The following EPHB2 variants were observed in gnomAD, a reference collection of about 807,000 sequenced individuals.
EPHB2 encodes EPH receptor B2.
A neutral mutation model predicts 96.4 loss-of-function variants in EPHB2; 18 were observed. That is an observed-to-expected ratio of 0.19 (90% CI 0.13 to 0.28). The LOEUF is 0.28. EPHB2 is among the 10% of genes least tolerant of loss of function. The probability of loss-of-function intolerance (pLI) is 1.00; values close to 1 mark genes in which losing one functional copy is unlikely to be tolerated. For missense variants in EPHB2, 989 were observed against 1,355.4 expected (o/e 0.73, Z 4.25); for synonymous variants, 506 against 534.1 (o/e 0.95, Z 0.72).
At chr1:22,871,646 T>G (rs1638670528) in intron 5 of EPHB2, among the ~76,000 whole-genome samples, 1 of 152,224 alleles carries the variant, frequency 6.6e-6, no homozygotes, top group African/African-American at 2.4e-5. Context: ...AGTTCCCTAT[T>G]GCTGCCAGAA....
chr1:22,729,995 G>A (rs921385411), intron 1 of EPHB2, among the ~76,000 whole-genome samples: 31 of 152,252 alleles, frequency 2.0e-4, no homozygotes, highest in African/African-American at 7.5e-4. Flanking sequence ...GCAGAGTGCT[G>A]TGACATCCAT....
At chr1:22,837,179 T>C (rs934931210) in intron 3 of EPHB2, among the ~76,000 whole-genome samples, 1 of 152,216 alleles carries the variant, frequency 6.6e-6, no homozygotes, top group Admixed American at 6.5e-5. Flanking sequence ...CAGAGGGTCC[T>C]AATTATTTCA....
At position 22,854,520 on chromosome 1, in the gene EPHB2, GA is replaced by G. The variant is rs541709343; in HGVS notation, c.812-8509del. ...GAGTGAGAACCTGTCTCAAAAGAAA[GA>G]AAAAAAATTAAGAACATGGACTGTG... On this transcript the variant is annotated intron_variant, in intron 3 of 15. Coordinates refer to ENST00000374630, the MANE Select transcript of EPHB2 (RefSeq NM_017449.5). Among the ~76,000 whole-genome samples the G allele has an allele frequency of 2.4e-4, 37 of 152,048 alleles. 1 individual carries two copies. Among genetic ancestry groups the G allele is most frequent in the Admixed American group, 2.3e-3 (35 of 15,252 alleles).
chr1:22,863,066 C>A lies in EPHB2; in HGVS notation c.841C>A (p.Gln281Lys), dbSNP rs772406361. 1.2e-6 allele frequency: 2 copies of A among 1,614,192 alleles called. No individual in the cohort carries two copies. The highest frequency in any genetic ancestry group is 1.7e-6 in the Non-Finnish European group (2 of 1,180,036). The stretch of plus-strand genomic sequence containing the variant: ...TCCATCTGGGACTTTCAAGGCCAAC[C>A]AAGGGGATGAGGCCTGTACCCACTG... ...GCPSGTFKAN[Q>K]GDEACTHCPI... The change falls in exon 4 of 16, where the codon CAA becomes AAA. Residue 281 changes from glutamine (Q) to lysine (K), a missense_variant. Physicochemically the swap from Gln to Lys is moderately conservative, Grantham distance 53. Transcript: ENST00000374630.
chr1:22,875,004 C>T lies in EPHB2; in HGVS notation c.1304-7355C>T, dbSNP rs1638791990. ...TTAAACACATGTGCAGTGTGAGTCT[C>T]CACAAGCAGACGGGCTACAACTCTG... On this transcript the variant is annotated intron_variant, in intron 5 of 15. Coordinates refer to ENST00000374630, the MANE Select transcript of EPHB2 (RefSeq NM_017449.5). This position sits in a 1 kb window ranked among gnomAD's most constrained non-coding sequence, Gnocchi z 4.2. Among the ~76,000 whole-genome samples, 1 of 152,164 alleles carries T rather than the reference C, an allele frequency of 6.6e-6. No individual in the cohort carries two copies. Among genetic ancestry groups the T allele is most frequent in the African/African-American group, 2.4e-5 (1 of 41,432 alleles).
chr1:22,816,713 G>A (rs919912711), intron 3 of EPHB2, among the ~76,000 whole-genome samples: 1 of 152,190 alleles, frequency 6.6e-6, no homozygotes, highest in Admixed American at 6.5e-5. Context: ...GCAACTGTAG[G>A]ATATAGGCCT....
At position 22,858,453 on chromosome 1, in the gene EPHB2, G is replaced by C. The variant is rs1645738568; in HGVS notation, c.812-4584G>C. Reference sequence around the variant, plus strand: ...AGAGACCCATTCGATGGCTCTCTCTGTCATTATTCCATGCAGGGATCATCA... The same window carrying C: ...AGAGACCCATTCGATGGCTCTCTCTCTCATTATTCCATGCAGGGATCATCA... On this transcript the variant is annotated intron_variant, in intron 3 of 15. Coordinates refer to ENST00000374630, the MANE Select transcript of EPHB2 (RefSeq NM_017449.5). The surrounding 1 kb of genome is among the most constrained non-coding windows in gnomAD (Gnocchi z 7.7). 6.6e-6 allele frequency among the ~76,000 whole-genome samples: 1 copy of C among 152,200 alleles called. No homozygotes were observed. Among genetic ancestry groups the C allele is most frequent in the African/African-American group, 2.4e-5 (1 of 41,448 alleles).
chr1:22,712,833 T>TTGGGA (rs1643190012), intron 1 of EPHB2, among the ~76,000 whole-genome samples: 1 of 152,184 alleles, frequency 6.6e-6, no homozygotes, highest in South Asian at 2.1e-4. Flanking sequence ...CCGCTATACA[T>TTGGGA]TGGGATGTTT....
chr1:22,801,440 G>A (rs1644841782), intron 3 of EPHB2, among the ~76,000 whole-genome samples: 1 of 152,078 alleles, frequency 6.6e-6, no homozygotes, highest in African/African-American at 2.4e-5. Context: ...CCACAGAGGG[G>A]AAACCGAGCC....
At chr1:22,848,543 C>T (rs968924483) in intron 3 of EPHB2, among the ~76,000 whole-genome samples, 2 of 152,184 alleles carry the variant, frequency 1.3e-5, no homozygotes, top group African/African-American at 4.8e-5. Flanking sequence ...CAACTCAAAC[C>T]CCCAGGTCTT....
chr1:22,801,569 G>A (rs974409769), intron 3 of EPHB2, among the ~76,000 whole-genome samples: 1 of 152,012 alleles, frequency 6.6e-6, no homozygotes, highest in Non-Finnish European at 1.5e-5. Context: ...GCTTCCTCCA[G>A]CAAGCAGGAG....
chr1:22,726,424 C>CA (rs1643583368), intron 1 of EPHB2, among the ~76,000 whole-genome samples: 1 of 91,172 alleles, frequency 1.1e-5, no homozygotes, highest in African/African-American at 3.0e-5. Flanking sequence ...CTTTTTTTTT[C>CA]TTTTTTTTTT....
At chr1:22,878,063 C>A (rs1240262103) in intron 5 of EPHB2, among the ~76,000 whole-genome samples, 1 of 152,238 alleles carries the variant, frequency 6.6e-6, no homozygotes, top group Non-Finnish European at 1.5e-5. Flanking sequence ...GAGGTGTGAA[C>A]AGAACAGCCT....
chr1:22,772,035 C>A (rs1040411379), intron 1 of EPHB2, among the ~76,000 whole-genome samples: 1 of 152,118 alleles, frequency 6.6e-6, no homozygotes, highest in African/African-American at 2.4e-5. Context: ...TTTCCCTTCC[C>A]CAGCAAGCCC....
chr1:22,802,510 T>C lies in EPHB2; in HGVS notation c.811+17434T>C, dbSNP rs1644859311. Among the ~76,000 whole-genome samples, 3 of 152,096 alleles carry C rather than the reference T, an allele frequency of 2.0e-5. No homozygotes were observed. The South Asian group carries it at 6.2e-4, about 32-fold the overall frequency. ...GGGCCACCAGTCTAAGGCCAAAGAC[T>C]ATGCCCTTCCCCAGCCAGCACCATG... On this transcript the variant is annotated intron_variant, in intron 3 of 15. Coordinates refer to ENST00000374630, the MANE Select transcript of EPHB2 (RefSeq NM_017449.5).
chr1:22,910,651 C>T, intron 14 of EPHB2, 76 bp downstream of exon 14: 1 of 1,545,276 alleles, frequency 6.5e-7, no homozygotes, highest in Non-Finnish European at 8.8e-7. Flanking sequence ...GCCCCCACTT[C>T]AGGCAAATGC....
rs1405112089 is a variant in EPHB2, at chr1:22,858,865, T to C, written c.812-4172T>C. On this transcript the variant is annotated intron_variant, in intron 3 of 15. Transcript: ENST00000374630. This position sits in a 1 kb window ranked among gnomAD's most constrained non-coding sequence, Gnocchi z 7.7. ...CTAAGGGGGTGGGGCTCGATCCCCT[T>C]CCAGCCCCTCATTCATCCACCCATC... 1.3e-5 allele frequency among the ~76,000 whole-genome samples: 2 copies of C among 152,158 alleles called. No homozygotes were observed. The highest frequency in any genetic ancestry group is 2.9e-5 in the Non-Finnish European group (2 of 68,028).
intron 5 of EPHB2, among the ~76,000 whole-genome samples, chr1:22,866,238 T>C (rs1387861219): frequency 1.3e-5 from 2 of 152,078 alleles, no homozygotes; most frequent in Admixed American, 1.3e-4. Flanking sequence ...ACAGTAAGCA[T>C]GGTCAGGGCC....
chr1:22,784,545 G>A lies in EPHB2; in HGVS notation c.280G>A (p.Val94Met), dbSNP rs1378788597. 6.2e-7 allele frequency: 1 copy of A among 1,614,132 alleles called. No homozygotes were observed. The highest frequency in any genetic ancestry group is 8.5e-7 in the Non-Finnish European group (1 of 1,179,986). ...HRIHVEMKFSVRDCSSIPSVP... is the reference protein window; with the variant it reads ...HRIHVEMKFSMRDCSSIPSVP... ...CATCCACGTGGAGATGAAGTTTTCG[G>A]TGCGTGACTGCAGCAGCATCCCCAG... The change falls in exon 3 of 16, where the codon GTG becomes ATG. Residue 94 changes from valine to methionine, a missense_variant. Val to Met is a conservative substitution (Grantham distance 21). Coordinates refer to ENST00000374630, the MANE Select transcript of EPHB2 (RefSeq NM_017449.5). This position sits in a 1 kb window ranked among gnomAD's most constrained non-coding sequence, Gnocchi z 5.1.
Sources: allele counts gnomAD v4.1 joint callset (sites outside exome capture counted in the v4.1 genomes callset), GRCh38; gene constraint gnomAD v4.1.1; non-coding constraint Gnocchi (gnomAD v3.1); transcripts MANE v1.5; gene names NCBI Gene and HGNC (gene_info 2026-07-23, HGNC 2026-07-21).